Variants in NFIL3 observed in about 807,000 individuals in gnomAD.
The protein encoded by NFIL3 is nuclear factor, interleukin 3 regulated, also known as nuclear factor interleukin-3-regulated protein.
Under a neutral mutation model 10.0 loss-of-function variants are expected in NFIL3, and 5 were observed. That is an observed-to-expected ratio of 0.50 (90% confidence interval 0.26 to 1.06). The LOEUF (loss-of-function observed/expected upper bound fraction) is 1.06, where lower values mean the gene tolerates loss of function less well. Among genes scored for constraint, NFIL3 ranks in the 50% least tolerant of loss-of-function variants. The pLI, the probability that NFIL3 is intolerant of heterozygous loss-of-function variation, is 0.13. For missense variants in NFIL3, 436 were observed against 547.6 expected, an observed-to-expected ratio of 0.80 and a Z score of 2.03; for synonymous variants, 202 against 206.5, an observed-to-expected ratio of 0.98 and a Z score of 0.19.
At chr9:91,445,783 G>T in the NFIL3 span, among the ~76,000 whole-genome samples, 1 of 152,182 alleles carries the variant, frequency 6.6e-6, no homozygotes, top group South Asian at 2.1e-4. Flanking sequence ...AAGAGTGTTA[G>T]CTCAGACCCT....
At chr9:91,424,453 C>G (rs1026210138), upstream of NFIL3, among the ~76,000 whole-genome samples, 9 of 152,168 alleles carry the variant, frequency 5.9e-5, no homozygotes, top group South Asian at 2.1e-4. Flanking sequence ...GGCTGGCAAG[C>G]TGCCAACACT....
the NFIL3 span, among the ~76,000 whole-genome samples, chr9:91,465,692 C>T: frequency 2.0e-5 from 3 of 151,618 alleles, no homozygotes; most frequent in South Asian, 2.1e-4. Context: ...GAATGCTTGA[C>T]GTGCTATATT....
At chr9:91,480,143 TA>T in the NFIL3 span, among the ~76,000 whole-genome samples, 14 of 115,850 alleles carry the variant, frequency 1.2e-4, no homozygotes, top group Admixed American at 6.7e-4. Flanking sequence ...CATAATCTAA[TA>T]TTTTTTTTTT....
At chr9:91,441,061 AT>A in the NFIL3 span, among the ~76,000 whole-genome samples, 1 of 151,968 alleles carries the variant, frequency 6.6e-6, no homozygotes, top group African/African-American at 2.4e-5. Context: ...TTCCCTATTA[AT>A]TTTCTGTGTA....
the NFIL3 span, among the ~76,000 whole-genome samples, chr9:91,445,039 A>C: frequency 2.0e-5 from 3 of 152,216 alleles, no homozygotes; most frequent in Admixed American, 2.0e-4. Flanking sequence ...AAGTGGCTTT[A>C]GTTCTCTAAT....
the NFIL3 span, among the ~76,000 whole-genome samples, chr9:91,470,162 G>T: frequency 6.6e-6 from 1 of 151,938 alleles, no homozygotes; most frequent in Non-Finnish European, 1.5e-5. Flanking sequence ...TTCTGGTCCT[G>T]GACTTTTTTT....
At chr9:91,473,469 G>A in the NFIL3 span, among the ~76,000 whole-genome samples, 4,369 of 152,334 alleles carry the variant, frequency 0.029, 86 homozygotes, top group East Asian at 0.064. Flanking sequence ...TCAGACTGCC[G>A]CACTAGCAGT....
chr9:91,452,020 A>G, the NFIL3 span, among the ~76,000 whole-genome samples: 5 of 152,290 alleles, frequency 3.3e-5, no homozygotes, highest in East Asian at 9.6e-4. Flanking sequence ...AACCATCTGA[A>G]TGGAAGCCTC....
rs567038490 is a variant in NFIL3, at chr9:91,410,591, A to G, written c.144T>C (p.Ser48=). 16 of 1,614,090 alleles carry G rather than the reference A, an allele frequency of 9.9e-6. No homozygotes were observed. The South Asian group carries it at 1.5e-4, about 16-fold the overall frequency. The change falls in exon 2 of 2, where the codon AGT becomes AGC. Residue 48 remains serine (S), a synonymous_variant. Transcript: ENST00000297689. This position sits in a 1 kb window ranked among gnomAD's most constrained non-coding sequence, Gnocchi z 5.7. The part of the protein sequence containing the change: ...DSTTGEELLL[S]EGSVGKNKSS... ...ATTTGTTCTTCCCCACACTTCCTTC[A>G]CTGAGAAGCAGCTCCTCACCTGTTG...
the NFIL3 span, among the ~76,000 whole-genome samples, chr9:91,456,973 T>C: frequency 6.6e-6 from 1 of 152,084 alleles, no homozygotes; most frequent in African/African-American, 2.4e-5. Context: ...CAGCACTGTT[T>C]GTTGAAAAAA....
At chr9:91,453,700 A>G in the NFIL3 span, among the ~76,000 whole-genome samples, 63,545 of 151,926 alleles carry the variant, frequency 0.42, 17,295 homozygotes, top group African/African-American at 0.77. Flanking sequence ...TTTCTCTGAA[A>G]TTAAAACATG....
the NFIL3 span, among the ~76,000 whole-genome samples, chr9:91,455,832 G>T: frequency 6.6e-6 from 1 of 152,098 alleles, no homozygotes. Flanking sequence ...TACTGCTCAA[G>T]GTCATAGCCA....
At chr9:91,427,513 C>T (rs1833884011), upstream of NFIL3, among the ~76,000 whole-genome samples, 2 of 152,206 alleles carry the variant, frequency 1.3e-5, no homozygotes, top group Non-Finnish European at 1.5e-5. Context: ...TCCTGTGTGC[C>T]AGGACCATTT....
the NFIL3 span, among the ~76,000 whole-genome samples, chr9:91,465,743 A>C: frequency 6.6e-6 from 1 of 151,792 alleles, no homozygotes; most frequent in Admixed American, 6.6e-5. Flanking sequence ...TTATGTTAGG[A>C]TTTATGTGAG....
chr9:91,454,825 C>G, the NFIL3 span, among the ~76,000 whole-genome samples: 2 of 152,106 alleles, frequency 1.3e-5, no homozygotes, highest in Admixed American at 6.6e-5. Flanking sequence ...GAGTAAGACT[C>G]CATCTCAAAA....
intron 1 of NFIL3, among the ~76,000 whole-genome samples, chr9:91,420,756 T>C (rs1833747402): frequency 6.6e-6 from 1 of 152,214 alleles, no homozygotes; most frequent in African/African-American, 2.4e-5. Flanking sequence ...AATTACTGCA[T>C]GGGTACAATC....
the NFIL3 span, among the ~76,000 whole-genome samples, chr9:91,431,164 C>T: frequency 6.6e-6 from 1 of 152,160 alleles, no homozygotes; most frequent in Non-Finnish European, 1.5e-5. Context: ...CCAACCAGTA[C>T]GTTATTCAGG....
chr9:91,467,205 A>G, the NFIL3 span, among the ~76,000 whole-genome samples: 5 of 151,892 alleles, frequency 3.3e-5, no homozygotes, highest in Admixed American at 3.3e-4. Context: ...ATGTATATAC[A>G]ACTTAAATGT....
chr9:91,443,566 C>T, the NFIL3 span, among the ~76,000 whole-genome samples: 4 of 152,380 alleles, frequency 2.6e-5, no homozygotes, highest in Admixed American at 6.5e-5. Flanking sequence ...GTCAGCACCA[C>T]CCCAAGCACA....
Sources: allele counts gnomAD v4.1 joint callset (sites outside exome capture counted in the v4.1 genomes callset), GRCh38; gene constraint gnomAD v4.1.1; non-coding constraint Gnocchi (gnomAD v3.1); transcripts MANE v1.5; gene names NCBI Gene and HGNC (gene_info 2026-07-23, HGNC 2026-07-21).